Variants in DPH6 observed in about 807,000 individuals in gnomAD.
DPH6 encodes the protein diphthine--ammonia ligase.
Under a neutral mutation model 38.2 loss-of-function variants are expected in DPH6, and 33 were observed. That is an observed-to-expected ratio of 0.86 (90% CI 0.65 to 1.15). DPH6 has a LOEUF of 1.15. DPH6 is among the 50% of genes most tolerant of loss of function. The pLI is 0.00. For synonymous variants in DPH6, 108 were observed against 103.0 expected (o/e 1.05, Z -0.30); for missense variants, 325 against 320.0 (o/e 1.02, Z -0.12).
At chr15:35,436,242 G>A (rs970222503) in intron 5 of DPH6, among the ~76,000 whole-genome samples, 25 of 151,832 alleles carry the variant, frequency 1.6e-4, no homozygotes, top group African/African-American at 4.1e-4. Flanking sequence ...CAAGGCAGGC[G>A]GATCACGAGG....
At chr15:35,258,207 A>G (rs2051720784) in intron 3 of DPH6, among the ~76,000 whole-genome samples, 1 of 152,218 alleles carries the variant, frequency 6.6e-6, no homozygotes, top group African/African-American at 2.4e-5. Flanking sequence ...ACTCGGGCAA[A>G]AGACCACTAA....
the DPH6 span, among the ~76,000 whole-genome samples, chr15:35,203,923 G>A: frequency 2.0e-5 from 3 of 151,598 alleles, no homozygotes; most frequent in Non-Finnish European, 4.4e-5. Context: ...CTCTTCAGTA[G>A]TCTTTTGGTG....
In DPH6 at chr15:35,351,006, A is replaced by G. The variant is rs1054332975; in HGVS notation, n.208-19929T>C. Among the ~76,000 whole-genome samples the G allele has an allele frequency of 7.9e-5, 12 of 152,160 alleles. 1 individual carries two copies. Among genetic ancestry groups the G allele is most frequent in the Admixed American group, 2.6e-4 (4 of 15,278 alleles). On this transcript the variant is annotated intron_variant and non_coding_transcript_variant, in intron 3 of 3. Transcript: ENST00000558973. ...CTTTTCTCTGGCTGATCTATACGTT[A>G]TTGAAATTGGAATATTAAAATCTCT...
At chr15:35,451,646 T>C (rs2053934472) in intron 4 of DPH6, among the ~76,000 whole-genome samples, 2 of 152,180 alleles carry the variant, frequency 1.3e-5, no homozygotes, top group South Asian at 4.1e-4. Context: ...AACATCCTAA[T>C]TTCCTTCCCT....
In DPH6 at chr15:35,457,085, C is replaced by T. The variant is rs564613243; in HGVS notation, c.313-2265G>A. ...TCTTCTGCCTCAGCCTCCAGAGTAA[C>T]TGGGACTACAGACGTGTACCACCAT... On this transcript the variant is annotated intron_variant, in intron 3 of 8. Coordinates refer to ENST00000256538, the MANE Select transcript of DPH6 (RefSeq NM_080650.4). Among the ~76,000 whole-genome samples the T allele has an allele frequency of 1.5e-4, 23 of 152,130 alleles. 2 individuals carry two copies. The South Asian group carries it at 4.6e-3, about 30-fold the overall frequency.
the DPH6 span, among the ~76,000 whole-genome samples, chr15:35,190,577 G>A: frequency 1.4e-4 from 21 of 152,326 alleles, no homozygotes; most frequent in African/African-American, 4.8e-4. Context: ...CAACAGTGAT[G>A]TTATCCCCAA....
chr15:35,296,261 T>G (rs1336755859), intron 3 of DPH6, among the ~76,000 whole-genome samples: 3 of 152,138 alleles, frequency 2.0e-5, no homozygotes, highest in African/African-American at 7.2e-5. Flanking sequence ...TTTTAAAAAG[T>G]TTTTGAAACA....
In DPH6 at chr15:35,371,796, G is replaced by T. The variant is rs2052715609; in HGVS notation, c.*354C>A. On this transcript the variant is annotated 3_prime_UTR_variant, in exon 9 of 9. Coordinates refer to ENST00000256538, the MANE Select transcript of DPH6 (RefSeq NM_080650.4). ...ATGCCTCTGCATCATGACATTATTG[G>T]TAGGGATTGGAGCAAGAAAGAGAGA... The T allele has an allele frequency of 2.0e-6, 2 of 1,002,380 alleles. No homozygotes were observed. Among genetic ancestry groups the T allele is most frequent in the South Asian group, 4.5e-5 (1 of 22,370 alleles). The allele number at this position is 1,002,380 out of a possible 1,614,324, so 62.1% of individuals were successfully genotyped here. A position where few individuals can be genotyped will look rare whatever the true frequency, so the allele number is the denominator to read the frequency against.
chr15:35,262,340 C>G (rs1294859768), intron 3 of DPH6, among the ~76,000 whole-genome samples: 5 of 152,124 alleles, frequency 3.3e-5, no homozygotes, highest in African/African-American at 4.8e-5. Context: ...AATAATGACT[C>G]AGAATACATT....
intron 2 of DPH6, among the ~76,000 whole-genome samples, chr15:35,540,104 A>G (rs1372787653): frequency 1.3e-5 from 2 of 152,142 alleles, no homozygotes; most frequent in African/African-American, 2.4e-5. Context: ...TGATGTTAGC[A>G]TAATAAGTAA....
intron 3 of DPH6, among the ~76,000 whole-genome samples, chr15:35,507,214 A>G (rs758078534): frequency 9.9e-5 from 15 of 152,112 alleles, no homozygotes; most frequent in Non-Finnish European, 2.1e-4. Flanking sequence ...AAAACAAGCT[A>G]AACTGAAAAA....
At chr15:35,534,885 T>C (rs550679870) in intron 3 of DPH6, among the ~76,000 whole-genome samples, 2 of 152,322 alleles carry the variant, frequency 1.3e-5, no homozygotes, top group East Asian at 3.9e-4. Context: ...AGGTCTCACA[T>C]CCACACATCT....
downstream of DPH6, among the ~76,000 whole-genome samples, chr15:35,213,066 T>G (rs958566169): frequency 6.6e-6 from 1 of 152,238 alleles, no homozygotes; most frequent in Non-Finnish European, 1.5e-5. Flanking sequence ...AAAATCTGAT[T>G]TGGGAAAGAA....
At chr15:35,413,794 T>C (rs2140999614) in intron 5 of DPH6, among the ~76,000 whole-genome samples, 1 of 151,792 alleles carries the variant, frequency 6.6e-6, no homozygotes, top group East Asian at 1.9e-4. Flanking sequence ...CATCTGAGTA[T>C]AAATTTTCTG....
chr15:35,303,882 T>C (rs1324065483), intron 3 of DPH6, among the ~76,000 whole-genome samples: 1 of 151,864 alleles, frequency 6.6e-6, no homozygotes, highest in Non-Finnish European at 1.5e-5. Flanking sequence ...TCATTTATAC[T>C]CTAAGGCCCT....
At chr15:35,535,408 C>T (rs1021326131) in intron 3 of DPH6, among the ~76,000 whole-genome samples, 1 of 152,088 alleles carries the variant, frequency 6.6e-6, no homozygotes, top group Non-Finnish European at 1.5e-5. Flanking sequence ...TCCCCTAAGG[C>T]AGTTTATTAA....
intron 3 of DPH6, among the ~76,000 whole-genome samples, chr15:35,499,926 G>C (rs1243373403): frequency 1.3e-5 from 2 of 152,164 alleles, no homozygotes; most frequent in Non-Finnish European, 2.9e-5. Flanking sequence ...GTAACAACCA[G>C]TTTGCTAAAG....
chr15:35,251,052 T>C (rs2051670232), intron 3 of DPH6, among the ~76,000 whole-genome samples: 1 of 152,258 alleles, frequency 6.6e-6, no homozygotes, highest in Admixed American at 6.5e-5. Context: ...TGGCAGGCTG[T>C]AGACACATGG....
At chr15:35,377,700 C>T (rs980919949) in intron 7 of DPH6, among the ~76,000 whole-genome samples, 4 of 151,990 alleles carry the variant, frequency 2.6e-5, no homozygotes, top group African/African-American at 9.6e-5. Flanking sequence ...TCAATAGACA[C>T]GAAAAGTGAA....
Sources: gnomAD v4.1 joint callset for allele counts (sites outside exome capture counted in the v4.1 genomes callset) on GRCh38, gnomAD v4.1.1 for gene constraint, MANE v1.5 for transcripts, NCBI Gene and HGNC (gene_info 2026-07-23, HGNC 2026-07-21) for gene names.